Variants in KCMF1 observed in about 807,000 individuals in gnomAD.
KCMF1 encodes the protein E3 ubiquitin-protein ligase KCMF1.
In KCMF1, 3 loss-of-function variants were observed where a neutral mutation model predicts 41.1. That is an observed-to-expected ratio of 0.07 (90% CI 0.03 to 0.19). KCMF1 has a LOEUF of 0.19. Among genes scored for constraint, KCMF1 ranks in the 10% least tolerant of loss-of-function variants. The pLI is 1.00. For synonymous variants in KCMF1, 142 were observed against 164.5 expected, an observed-to-expected ratio of 0.86 and a Z score of 1.04; for missense variants, 286 against 488.9, an observed-to-expected ratio of 0.58 and a Z score of 3.91.
At chr2:84,996,491 A>G (rs1674179200) in intron 1 of KCMF1, among the ~76,000 whole-genome samples, 1 of 136,158 alleles carries the variant, frequency 7.3e-6, no homozygotes, top group Non-Finnish European at 1.5e-5. Flanking sequence ...GCTGGAGTGC[A>G]GTGGTGCAAT....
At chr2:84,976,876 T>G (rs1256843485) in intron 1 of KCMF1, among the ~76,000 whole-genome samples, 2 of 152,164 alleles carry the variant, frequency 1.3e-5, no homozygotes, top group African/African-American at 4.8e-5. Context: ...TTTATTTTTT[T>G]AATTGGCAAA....
chr2:85,044,493 A>G (rs917849585), intron 4 of KCMF1, among the ~76,000 whole-genome samples: 2 of 152,104 alleles, frequency 1.3e-5, no homozygotes, highest in Admixed American at 1.3e-4. Context: ...CTCCTGCCTC[A>G]GCCTCCCAAG....
intron 1 of KCMF1, among the ~76,000 whole-genome samples, chr2:85,008,661 G>A (rs1396189856): frequency 6.6e-6 from 1 of 151,688 alleles, no homozygotes; most frequent in Admixed American, 6.6e-5. Flanking sequence ...TTGGACCTGA[G>A]CTGGAAACAT....
chr2:85,035,193 G>A, intron 3 of KCMF1, 38 bp downstream of exon 3: 1 of 1,565,966 alleles, frequency 6.4e-7, no homozygotes, highest in East Asian at 2.3e-5. Flanking sequence ...AAATGATGTT[G>A]TAAAGTATAT....
At chr2:85,026,381 C>G (rs776615035) in intron 1 of KCMF1, among the ~76,000 whole-genome samples, 4 of 151,288 alleles carry the variant, frequency 2.6e-5, no homozygotes, top group Non-Finnish European at 5.9e-5. Context: ...AAGCAGCCCT[C>G]TTGTCTTAGC....
chr2:85,010,551 C>T (rs529940107), intron 1 of KCMF1, among the ~76,000 whole-genome samples: 2 of 152,310 alleles, frequency 1.3e-5, no homozygotes, highest in South Asian at 4.1e-4. Context: ...CACCACTATC[C>T]AGTGCAGTAG....
chr2:85,024,553 TGAGAGAGAGAGAGAGA>T (rs377478206), intron 1 of KCMF1, among the ~76,000 whole-genome samples: 1 of 141,654 alleles, frequency 7.1e-6, no homozygotes, highest in Non-Finnish European at 1.6e-5. Flanking sequence ...ATTTGGAGAG[TGAGAGAGAGAGAGAGA>T]GAGAGAGAGA....
At chr2:85,029,828 C>G (rs1675221088) in intron 2 of KCMF1, among the ~76,000 whole-genome samples, 1 of 151,236 alleles carries the variant, frequency 6.6e-6, no homozygotes, top group Admixed American at 6.6e-5. Flanking sequence ...ATTACAGGTG[C>G]CCGCCACCAT....
At chr2:85,004,469 GC>G (rs1558571628) in intron 1 of KCMF1, among the ~76,000 whole-genome samples, 2 of 151,746 alleles carry the variant, frequency 1.3e-5, no homozygotes, top group Admixed American at 6.6e-5. Context: ...CCGAGATCGC[GC>G]CACTGCACTC....
chr2:85,028,551 G>A (rs180793763), intron 2 of KCMF1, among the ~76,000 whole-genome samples: 49 of 121,856 alleles, frequency 4.0e-4, no homozygotes, highest in Non-Finnish European at 6.0e-4. Flanking sequence ...GTGCAATGTC[G>A]TGATCTCAGC....
intron 1 of KCMF1, among the ~76,000 whole-genome samples, chr2:85,008,375 G>T (rs28830538): frequency 0.1 from 2,898 of 27,748 alleles, 283 homozygotes; most frequent in African/African-American, 0.24. Context: ...TATATCATAT[G>T]ATATATTATA....
intron 3 of KCMF1, among the ~76,000 whole-genome samples, chr2:85,041,169 G>A (rs1675523214): frequency 6.6e-6 from 1 of 152,134 alleles, no homozygotes; most frequent in Non-Finnish European, 1.5e-5. Flanking sequence ...AGTTTGGTTG[G>A]TTGATTGGTT....
intron 2 of KCMF1, among the ~76,000 whole-genome samples, chr2:85,028,781 C>T (rs1236103877): frequency 6.6e-6 from 1 of 151,984 alleles, no homozygotes; most frequent in Non-Finnish European, 1.5e-5. Flanking sequence ...AGCCACCGCG[C>T]CCGGCCTTAC....
At chr2:85,024,241 A>T (rs922149663) in intron 1 of KCMF1, among the ~76,000 whole-genome samples, 2 of 152,182 alleles carry the variant, frequency 1.3e-5, no homozygotes, top group African/African-American at 2.4e-5. Flanking sequence ...GCACTTTGGG[A>T]GGCCCAGGCG....
Position 85,053,358 on chromosome 2 carries a change from A to G in KCMF1, c.1095A>G (p.Leu365=). Residue 365 remains leucine (L), a synonymous_variant, in exon 7 of 7, where the codon CTA becomes CTG. Coordinates refer to ENST00000409785, the MANE Select transcript of KCMF1 (RefSeq NM_020122.5). ...IMPLDVALEN[L]NLKESNKGNE... ...CTTTAGATGTTGCTTTAGAAAACCT[A>G]AATTTAAAAGAGAGTAATAAAGGAA... 1 of 1,613,674 alleles carries G rather than the reference A, an allele frequency of 6.2e-7. No individual in the cohort carries two copies. The highest frequency in any genetic ancestry group is 8.5e-7 in the Non-Finnish European group (1 of 1,179,754).
intron 1 of KCMF1, among the ~76,000 whole-genome samples, chr2:84,977,462 C>A (rs562771045): frequency 1.3e-5 from 2 of 152,290 alleles, no homozygotes; most frequent in East Asian, 3.9e-4. Context: ...GAGACAGGGT[C>A]TCTGTCGCCC....
At chr2:84,983,420 A>G (rs1323078959) in intron 1 of KCMF1, among the ~76,000 whole-genome samples, 1 of 152,132 alleles carries the variant, frequency 6.6e-6, no homozygotes, top group African/African-American at 2.4e-5. Flanking sequence ...TTGACCTCCC[A>G]TCCTCAAGAG....
chr2:85,022,886 CTT>C lies in KCMF1; in HGVS notation c.17-4984_17-4983del, dbSNP rs34732141. ...TTTTCAACTTTATACTGTATGTATT[CTT>C]TTTTTTTTTTTTTTTTTTGAGACGG... is the stretch of plus-strand genomic sequence containing the variant. On this transcript the variant is annotated intron_variant, in intron 1 of 6. Transcript: ENST00000409785. Among the ~76,000 whole-genome samples, 658 of 111,704 alleles carry C rather than the reference CTT, an allele frequency of 5.9e-3. 1 individual carries two copies. Among genetic ancestry groups the C allele is most frequent in the African/African-American group, 0.021 (615 of 29,068 alleles). 73.3% of individuals were successfully genotyped at this position (111,704 alleles called of 152,430 possible). A position where few individuals can be genotyped will look rare whatever the true frequency, so the allele number is the denominator to read the frequency against.
chr2:84,983,885 A>G (rs183664365), intron 1 of KCMF1, among the ~76,000 whole-genome samples: 212 of 152,198 alleles, frequency 1.4e-3, no homozygotes, highest in Admixed American at 2.4e-3. Context: ...ACCTCAAGCA[A>G]TCCTACCTTG....
Sources: gnomAD v4.1 joint callset for allele counts (sites outside exome capture counted in the v4.1 genomes callset) on GRCh38, gnomAD v4.1.1 for gene constraint, MANE v1.5 for transcripts, NCBI Gene and HGNC (gene_info 2026-07-23, HGNC 2026-07-21) for gene names.